Variants in TMEM33 observed in about 807,000 individuals in gnomAD.
TMEM33 encodes transmembrane protein 33.
Under a neutral mutation model 29.7 loss-of-function variants are expected in TMEM33, and 16 were observed. That is an observed-to-expected ratio of 0.54 (90% CI 0.36 to 0.82). The LOEUF is 0.82. Among genes scored for constraint, TMEM33 ranks in the 40% least tolerant of loss-of-function variants. TMEM33 has a pLI of 0.00. For synonymous variants in TMEM33, 112 were observed against 109.4 expected (o/e 1.02, Z -0.15); for missense variants, 252 against 295.3 (o/e 0.85, Z 1.08).
intron 6 of TMEM33, chr4:41,953,826 G>C: frequency 1.9e-6 from 1 of 519,140 alleles, no homozygotes; most frequent in South Asian, 1.5e-5. Flanking sequence ...ACAGATCACA[G>C]ATCACCATAA....
At chr4:41,949,775 G>C (rs1258756851) in intron 6 of TMEM33, among the ~76,000 whole-genome samples, 1 of 152,138 alleles carries the variant, frequency 6.6e-6, no homozygotes, top group Non-Finnish European at 1.5e-5. Flanking sequence ...TATTATATCA[G>C]TACTGCAGTC....
rs538014603 is a variant in TMEM33, at chr4:41,960,774, A to C, written c.*6575A>C. 6.6e-6 allele frequency among the ~76,000 whole-genome samples: 1 copy of C among 152,262 alleles called. No homozygotes were observed. Among genetic ancestry groups the C allele is most frequent in the South Asian group, 2.1e-4 (1 of 4,828 alleles). On this transcript the variant is annotated 3_prime_UTR_variant, in exon 7 of 7. Transcript: ENST00000504986. ...ATCTAAGGTGTAACTGGAAAAAAAA[A>C]GGAAAGAAAAATTACATTGATGCCT...
In TMEM33 at chr4:41,954,283, T is replaced by TA; in HGVS notation, c.*85dup. On this transcript the variant is annotated 3_prime_UTR_variant, in exon 7 of 7. Transcript: ENST00000504986. ...GCTAGGGGTTGTAAATTCCAGGTGT[T>TA]ACACTGACCTCAATCCAATTTACAT... The TA allele has an allele frequency of 1.4e-6, 2 of 1,386,702 alleles. No homozygotes were observed. Among genetic ancestry groups the TA allele is most frequent in the African/African-American group, 2.9e-5 (2 of 68,996 alleles). 85.9% of individuals were successfully genotyped at this position (1,386,702 alleles called of 1,614,324 possible). A position where few individuals can be genotyped will look rare whatever the true frequency, so the allele number is the denominator to read the frequency against.
intron 6 of TMEM33, among the ~76,000 whole-genome samples, chr4:41,952,064 T>C (rs956375880): frequency 6.6e-6 from 1 of 152,160 alleles, no homozygotes; most frequent in Non-Finnish European, 1.5e-5. Flanking sequence ...TAGAGTAGTC[T>C]AGAGCCTGAA....
rs1713361426 is a variant in TMEM33 at position 41,958,680 on chromosome 4, GAC to G, written c.*4483_*4484del. 1 of 145,482 alleles carries G rather than the reference GAC, an allele frequency of 6.9e-6. No homozygotes were observed. Among genetic ancestry groups the G allele is most frequent in the East Asian group, 2.1e-4 (1 of 4,832 alleles). 9.0% of individuals were successfully genotyped at this position (145,482 alleles called of 1,614,324 possible). On this transcript the variant is annotated 3_prime_UTR_variant, in exon 7 of 7. Transcript: ENST00000504986. ...TTGAAAATTATGCTTGGCTTGTAGA[GAC>G]AACTAGTTTCTCTCGCTCTTTTTTT...
chr4:41,941,905 G>T (rs1337511867), intron 3 of TMEM33, among the ~76,000 whole-genome samples: 3 of 152,188 alleles, frequency 2.0e-5, no homozygotes, highest in Non-Finnish European at 4.4e-5. Context: ...TAAGAGTAAT[G>T]TTGAAGACTA....
Position 41,955,387 on chromosome 4 carries a change from A to G in TMEM33, c.*1188A>G, listed in dbSNP as rs1262393455. On this transcript the variant is annotated 3_prime_UTR_variant, in exon 7 of 7. Transcript: ENST00000504986. Reference sequence around the variant, plus strand: ...AATCCTGTTCATTGAACTCCCATCAACTCTTATAAAATTCATGCTGATCTT... The same window carrying G: ...AATCCTGTTCATTGAACTCCCATCAGCTCTTATAAAATTCATGCTGATCTT... 6.6e-6 allele frequency: 1 copy of G among 152,326 alleles called. No homozygotes were observed. The highest frequency in any genetic ancestry group is 1.5e-5 in the Non-Finnish European group (1 of 68,016). 9.4% of individuals were successfully genotyped at this position (152,326 alleles called of 1,614,324 possible).
rs958723369 is a variant in TMEM33, at chr4:41,956,666, C to T, written c.*2467C>T. The T allele has an allele frequency of 1.3e-5, 2 of 151,966 alleles. No individual in the cohort carries two copies. The highest frequency in any genetic ancestry group is 4.8e-5 in the African/African-American group (2 of 41,380). 9.4% of individuals were successfully genotyped at this position (151,966 alleles called of 1,614,324 possible). ...AAATATTACAGTATAAAATAACACT[C>T]TGTGCTTTAAATTGAGGTTTTATGT... On this transcript the variant is annotated 3_prime_UTR_variant, in exon 7 of 7. Coordinates refer to ENST00000504986, the MANE Select transcript of TMEM33 (RefSeq NM_018126.3).
chr4:41,936,976 TA>T (rs796925323), intron 1 of TMEM33, among the ~76,000 whole-genome samples: 29 of 152,250 alleles, frequency 1.9e-4, no homozygotes, highest in African/African-American at 6.7e-4. Flanking sequence ...CCTTTCTAAT[TA>T]AAAAGTGTTC....
intron 6 of TMEM33, among the ~76,000 whole-genome samples, chr4:41,950,435 GTTAT>G (rs1265611283): frequency 6.6e-6 from 1 of 152,060 alleles, no homozygotes; most frequent in Non-Finnish European, 1.5e-5. Context: ...GACTAGGCAG[GTTAT>G]TTATTTGGAT....
rs757648261 is a variant in TMEM33, at chr4:41,944,833, T to C, written c.437T>C (p.Leu146Ser). Residue 146 changes from leucine (L) to serine (S), a missense_variant, in exon 5 of 7, where the codon TTG becomes TCG. By Grantham distance (145) the Leu-to-Ser change is moderately radical (BLOSUM62 -2). Transcript: ENST00000504986. ...SNSLPLLRSVLDKLSANQQNI... is the reference protein window; with the variant it reads ...SNSLPLLRSVSDKLSANQQNI... Reference sequence around the variant, plus strand: ...AGTTTACCTCTGCTGAGATCTGTCTTGGACAAATTAAGTGCTAATCAACAA... The same window carrying C: ...AGTTTACCTCTGCTGAGATCTGTCTCGGACAAATTAAGTGCTAATCAACAA... 5 of 1,613,518 alleles carry C rather than the reference T, an allele frequency of 3.1e-6. No individual in the cohort carries two copies. The highest frequency in any genetic ancestry group is 3.3e-5 in the Admixed American group (2 of 60,002).
chr4:41,951,033 C>T (rs922289451), intron 6 of TMEM33, among the ~76,000 whole-genome samples: 2 of 150,174 alleles, frequency 1.3e-5, no homozygotes, highest in African/African-American at 4.8e-5. Flanking sequence ...TATTGATAAA[C>T]AGGCTATAAA....
At position 41,935,712 on chromosome 4, in the gene TMEM33, G is replaced by A. The variant is rs895990938; in HGVS notation, c.45+183G>A. On this transcript the variant is annotated intron_variant, in intron 1 of 6. Coordinates refer to ENST00000504986, the MANE Select transcript of TMEM33 (RefSeq NM_018126.3). ...AGCGAAGATATGGAGGGAACTACAA[G>A]TTTGTTTCTGAAGCGACAATAGGCT... 2.6e-5 allele frequency among the ~76,000 whole-genome samples: 4 copies of A among 152,342 alleles called. No individual in the cohort carries two copies. In the East Asian group the frequency reaches 7.7e-4, roughly 29 times the overall value.
At chr4:41,949,273 T>G (rs1560518700) in intron 5 of TMEM33, 29 bp from the exon 6 acceptor site, 1 of 1,507,446 alleles carries the variant, frequency 6.6e-7, no homozygotes, top group Admixed American at 1.8e-5. Context: ...GAAATGTATA[T>G]TTATCACGCT....
chr4:41,945,846 C>T (rs928229316), intron 5 of TMEM33, among the ~76,000 whole-genome samples: 1 of 151,622 alleles, frequency 6.6e-6, no homozygotes, highest in African/African-American at 2.4e-5. Flanking sequence ...TGGTGCACAC[C>T]TGTAATCCCA....
intron 5 of TMEM33, among the ~76,000 whole-genome samples, chr4:41,946,868 T>C (rs1207424647): frequency 2.0e-5 from 3 of 152,170 alleles, no homozygotes; most frequent in Non-Finnish European, 2.9e-5. Context: ...CGGGTTTTTG[T>C]GTCACTTAAT....
chr4:41,953,780 T>A (rs1713143901), intron 6 of TMEM33: 1 of 474,368 alleles, frequency 2.1e-6, no homozygotes, highest in African/African-American at 2.0e-5. Context: ...CCCAAAACAG[T>A]TACAATAGTA....
At chr4:41,938,875 T>G (rs1329310678) in intron 2 of TMEM33, among the ~76,000 whole-genome samples, 179 bp downstream of exon 2, 2 of 152,240 alleles carry the variant, frequency 1.3e-5, no homozygotes, top group African/African-American at 4.8e-5. Context: ...TTATATCTTG[T>G]GCTTTGTGAA....
chr4:41,936,016 T>A (rs1476520454), intron 1 of TMEM33, among the ~76,000 whole-genome samples: 1 of 152,234 alleles, frequency 6.6e-6, no homozygotes, highest in Non-Finnish European at 1.5e-5. Context: ...AAGAGAAATA[T>A]CATTATGCTT....
Sources: allele counts gnomAD v4.1 joint callset (sites outside exome capture counted in the v4.1 genomes callset), GRCh38; gene constraint gnomAD v4.1.1; transcripts MANE v1.5; gene names NCBI Gene and HGNC (gene_info 2026-07-23, HGNC 2026-07-21).